Variants in GADL1 observed in about 807,000 individuals in gnomAD.
The protein encoded by GADL1 is GAD like acidic amino acid decarboxylase 1.
A neutral mutation model predicts 69.5 loss-of-function variants in GADL1; 71 were observed. The observed-to-expected ratio is 1.02, with a 90% CI of 0.84 to 1.25. The LOEUF (loss-of-function observed/expected upper bound fraction) is 1.25, where lower values mean the gene tolerates loss of function less well. Ranked by LOEUF, GADL1 falls within the 50% of genes most tolerant of loss-of-function variation. The pLI, the probability that GADL1 is intolerant of heterozygous loss-of-function variation, is 0.00. For synonymous variants in GADL1, 254 were observed against 214.4 expected (o/e 1.18, Z -1.62); for missense variants, 737 against 631.8 (o/e 1.17, Z -1.79).
chr3:30,811,768 T>C (rs1697360236), intron 11 of GADL1, among the ~76,000 whole-genome samples: 2 of 152,176 alleles, frequency 1.3e-5, no homozygotes, highest in South Asian at 2.1e-4. Context: ...GGTACAGTGA[T>C]TGTTAACCCT....
chr3:30,889,361 C>T (rs1256427644), intron 1 of GADL1, among the ~76,000 whole-genome samples: 4 of 152,160 alleles, frequency 2.6e-5, no homozygotes, highest in Non-Finnish European at 5.9e-5. Flanking sequence ...TACAAAGTTT[C>T]TCGTTCCTGG....
chr3:30,782,895 G>A (rs1696698203), intron 13 of GADL1, among the ~76,000 whole-genome samples: 1 of 152,184 alleles, frequency 6.6e-6, no homozygotes, highest in Non-Finnish European at 1.5e-5. Flanking sequence ...AAAATAATGT[G>A]CTTTGGATTT....
At chr3:30,801,130 T>C in intron 11 of GADL1, 42 bp from the exon 12 acceptor site, 1 of 1,495,952 alleles carries the variant, frequency 6.7e-7, no homozygotes, top group African/African-American at 1.4e-5. Context: ...AACTTTAGAA[T>C]ATAACTTGAT....
chr3:30,745,391 A>G (rs1198758552), intron 14 of GADL1, among the ~76,000 whole-genome samples: 3 of 152,260 alleles, frequency 2.0e-5, no homozygotes, highest in Non-Finnish European at 4.4e-5. Context: ...TTGATTTGAC[A>G]TGGAAATGCT....
chr3:30,877,092 C>A (rs1264203869), intron 1 of GADL1, among the ~76,000 whole-genome samples: 1 of 151,822 alleles, frequency 6.6e-6, no homozygotes, highest in Non-Finnish European at 1.5e-5. Flanking sequence ...TCATAGCACC[C>A]TAGAAGGCAA....
intron 11 of GADL1, among the ~76,000 whole-genome samples, chr3:30,832,370 T>C (rs367682639): frequency 3.3e-5 from 5 of 151,778 alleles, no homozygotes; most frequent in African/African-American, 9.7e-5. Flanking sequence ...TAAGGAGTTA[T>C]ATGATCCAGA....
intron 1 of GADL1, among the ~76,000 whole-genome samples, chr3:30,869,308 T>C (rs1437700148): frequency 6.6e-6 from 1 of 151,752 alleles, no homozygotes; most frequent in Non-Finnish European, 1.5e-5. Context: ...TCACACTGGT[T>C]TTAAAGCTAT....
At chr3:30,813,719 G>A (rs866587720) in intron 11 of GADL1, among the ~76,000 whole-genome samples, 7 of 152,328 alleles carry the variant, frequency 4.6e-5, no homozygotes, top group South Asian at 2.1e-4. Flanking sequence ...TCTGAAACAC[G>A]AGTTCCCTGG....
chr3:30,775,863 G>A (rs2125494847), intron 14 of GADL1, among the ~76,000 whole-genome samples: 1 of 152,266 alleles, frequency 6.6e-6, no homozygotes, highest in South Asian at 2.1e-4. Flanking sequence ...TTGGGAGGCC[G>A]AGGCAGGTGG....
At chr3:30,752,858 CAAA>C (rs1477043756) in intron 14 of GADL1, among the ~76,000 whole-genome samples, 2 of 148,994 alleles carry the variant, frequency 1.3e-5, no homozygotes, top group Non-Finnish European at 3.0e-5. Context: ...ATTAAGTTCT[CAAA>C]TAACTAAAAG....
At chr3:30,770,122 A>G (rs1696383957) in intron 14 of GADL1, among the ~76,000 whole-genome samples, 1 of 152,184 alleles carries the variant, frequency 6.6e-6, no homozygotes, top group African/African-American at 2.4e-5. Context: ...GCTGGGACCA[A>G]TATACTTCAG....
intron 13 of GADL1, among the ~76,000 whole-genome samples, chr3:30,785,467 C>T (rs1023643949): frequency 1.3e-4 from 19 of 151,470 alleles, no homozygotes; most frequent in Admixed American, 4.0e-4. Flanking sequence ...CCGCAACCAC[C>T]GCCTCCCAGG....
At chr3:30,831,193 A>C (rs1697785712) in intron 11 of GADL1, among the ~76,000 whole-genome samples, 2 of 151,950 alleles carry the variant, frequency 1.3e-5, no homozygotes, top group South Asian at 4.1e-4. Context: ...AATCATCACA[A>C]TGGTCTCTAA....
intron 11 of GADL1, among the ~76,000 whole-genome samples, chr3:30,826,899 G>A (rs1232895724): frequency 3.3e-5 from 5 of 151,868 alleles, no homozygotes; most frequent in Non-Finnish European, 4.4e-5. Context: ...CCAAATGCTG[G>A]CACAACCCAG....
chr3:30,860,596 A>G (rs1242675607), intron 2 of GADL1, among the ~76,000 whole-genome samples: 2 of 151,974 alleles, frequency 1.3e-5, no homozygotes, highest in Non-Finnish European at 2.9e-5. Flanking sequence ...TAGTTTTCCG[A>G]AAGGCATGTG....
intron 4 of GADL1, among the ~76,000 whole-genome samples, chr3:30,853,576 A>G (rs1698183093): frequency 6.6e-6 from 1 of 152,156 alleles, no homozygotes. Flanking sequence ...TGAAAATGTA[A>G]TGCTTGCTCT....
At position 30,871,548 on chromosome 3, in the gene GADL1, T is replaced by C. The variant is rs17026716; in HGVS notation, c.38-9783A>G. On this transcript the variant is annotated intron_variant, in intron 1 of 14. Transcript: ENST00000282538. The stretch of plus-strand genomic sequence containing the variant: ...CTATGTTCTAAAAATGATCATTAGA[T>C]AAAAAGTGACAGAATAAGATGGGAG... Among the ~76,000 whole-genome samples, 1,198 of 151,902 alleles carry C rather than the reference T, an allele frequency of 7.9e-3. 62 individuals carry two copies. The East Asian group carries it at 0.14, about 18-fold the overall frequency.
At chr3:30,878,314 T>G (rs977137958) in intron 1 of GADL1, among the ~76,000 whole-genome samples, 2 of 151,938 alleles carry the variant, frequency 1.3e-5, no homozygotes, top group Admixed American at 1.3e-4. Flanking sequence ...TCCTTATTAG[T>G]GCTCTTCAGA....
intron 1 of GADL1, among the ~76,000 whole-genome samples, chr3:30,868,528 C>CT (rs1483414881): frequency 6.6e-6 from 1 of 150,514 alleles, no homozygotes; most frequent in Middle Eastern, 3.2e-3. Context: ...ATCCGTATTT[C>CT]TTTTCTGGCA....
Sources: gnomAD v4.1 joint callset for allele counts (sites outside exome capture counted in the v4.1 genomes callset) on GRCh38, gnomAD v4.1.1 for gene constraint, MANE v1.5 for transcripts, NCBI Gene and HGNC (gene_info 2026-07-23, HGNC 2026-07-21) for gene names.